The following ITPR2 variants were observed in gnomAD, a reference collection of about 807,000 sequenced individuals.
ITPR2 encodes inositol 1,4,5-trisphosphate-gated calcium channel ITPR2.
Under a neutral mutation model 317.1 loss-of-function variants are expected in ITPR2, and 207 were observed. The ratio of observed to expected loss-of-function variants is 0.65; its 90% CI spans 0.58 to 0.73. The LOEUF (loss-of-function observed/expected upper bound fraction) is 0.73. Ranked by LOEUF, ITPR2 falls within the 30% of genes least tolerant of loss-of-function variation. The probability of loss-of-function intolerance (pLI) is 0.00; values close to 1 mark genes in which losing one functional copy is unlikely to be tolerated. For synonymous variants in ITPR2, 1,156 were observed against 1,149.1 expected, an observed-to-expected ratio of 1.01 and a Z score of -0.12; for missense variants, 2,613 against 3,284.0, an observed-to-expected ratio of 0.80 and a Z score of 4.99.
intron 26 of ITPR2, among the ~76,000 whole-genome samples, chr12:26,619,561 C>T (rs1257490953): frequency 1.3e-5 from 2 of 152,050 alleles, no homozygotes; most frequent in East Asian, 3.9e-4. Flanking sequence ...GGTTTCCTTG[C>T]CCCTAAACAG....
intron 49 of ITPR2, among the ~76,000 whole-genome samples, chr12:26,420,316 C>A (rs969399440): frequency 3.9e-5 from 6 of 152,074 alleles, no homozygotes; most frequent in Non-Finnish European, 8.8e-5. Flanking sequence ...CCTTAAATGT[C>A]CAATCTTAAC....
At chr12:26,805,554 T>C (rs1950625884) in intron 1 of ITPR2, among the ~76,000 whole-genome samples, 1 of 151,902 alleles carries the variant, frequency 6.6e-6, no homozygotes, top group Non-Finnish European at 1.5e-5. Context: ...ATTCCACAAA[T>C]ATTTACTGAC....
chr12:26,462,184 T>G (rs183505796), intron 45 of ITPR2, among the ~76,000 whole-genome samples: 16 of 37,804 alleles, frequency 4.2e-4, no homozygotes, highest in African/African-American at 9.0e-4. Flanking sequence ...GTTTTGTTTT[T>G]GAGACAAAGT....
intron 13 of ITPR2, among the ~76,000 whole-genome samples, chr12:26,669,283 G>A (rs994031734): frequency 2.0e-5 from 3 of 151,878 alleles, no homozygotes; most frequent in Non-Finnish European, 4.4e-5. Flanking sequence ...TAATAAAAGG[G>A]AAGTTAAGAG....
intron 34 of ITPR2, 75 bp from the exon 35 acceptor site, chr12:26,562,027 T>A: frequency 9.7e-7 from 1 of 1,026,070 alleles, no homozygotes; most frequent in Non-Finnish European, 1.3e-6. Context: ...TACAATCTTA[T>A]AAACATAAAA....
At chr12:26,449,262 T>C (rs1397350868) in intron 45 of ITPR2, among the ~76,000 whole-genome samples, 2 of 152,188 alleles carry the variant, frequency 1.3e-5, no homozygotes, top group African/African-American at 4.8e-5. Context: ...ATTTAGGCAA[T>C]TGTATTACAA....
chr12:26,743,272 G>A (rs908089154), intron 2 of ITPR2, among the ~76,000 whole-genome samples: 1 of 152,062 alleles, frequency 6.6e-6, no homozygotes, highest in African/African-American at 2.4e-5. Context: ...TTTGGCAGAG[G>A]AACCTCTGCA....
At chr12:26,374,790 A>G (rs1198345486) in intron 55 of ITPR2, among the ~76,000 whole-genome samples, 1 of 152,188 alleles carries the variant, frequency 6.6e-6, no homozygotes, top group Non-Finnish European at 1.5e-5. Context: ...AATCCCATCA[A>G]AGTAGCTGAC....
rs1049167910 is a variant in ITPR2, at chr12:26,642,835, T to C, written c.2741-10776A>G. 2.0e-5 allele frequency among the ~76,000 whole-genome samples: 3 copies of C among 152,280 alleles called. No homozygotes were observed. The East Asian group carries it at 5.8e-4, about 29-fold the overall frequency. On this transcript the variant is annotated intron_variant, in intron 21 of 56. Coordinates refer to ENST00000381340, the MANE Select transcript of ITPR2 (RefSeq NM_002223.4). Reference sequence around the variant, plus strand: ...GCATTTTCTAGGAAGATAATTGTGGTGGATGCTGTGATGCTCCTGCCCAGA... The same window carrying C: ...GCATTTTCTAGGAAGATAATTGTGGCGGATGCTGTGATGCTCCTGCCCAGA...
intron 28 of ITPR2, among the ~76,000 whole-genome samples, chr12:26,600,658 C>T (rs1400329294): frequency 6.6e-6 from 1 of 152,038 alleles, no homozygotes; most frequent in Non-Finnish European, 1.5e-5. Context: ...ATACATCTTC[C>T]TTTCCTACTC....
chr12:26,830,018 C>T (rs1951074985), intron 1 of ITPR2, among the ~76,000 whole-genome samples: 1 of 152,248 alleles, frequency 6.6e-6, no homozygotes, highest in South Asian at 2.1e-4. Context: ...ATTCTCCTGC[C>T]TCAGCCTCCC....
At chr12:26,543,381 C>T (rs533242438) in intron 37 of ITPR2, among the ~76,000 whole-genome samples, 2 of 151,648 alleles carry the variant, frequency 1.3e-5, no homozygotes, top group East Asian at 1.9e-4. Context: ...GTGTGTGTGA[C>T]AGAGACAGGG....
chr12:26,737,903 C>G (rs951768549), intron 2 of ITPR2, among the ~76,000 whole-genome samples: 1 of 152,044 alleles, frequency 6.6e-6, no homozygotes, highest in Non-Finnish European at 1.5e-5. Flanking sequence ...GGTATTTTGT[C>G]ACTTAAGTTT....
intron 37 of ITPR2, among the ~76,000 whole-genome samples, chr12:26,515,497 T>C (rs1440974309): frequency 6.6e-6 from 1 of 152,176 alleles, no homozygotes; most frequent in East Asian, 1.9e-4. Context: ...ATCATTATAC[T>C]GCTGTGGAAA....
intron 5 of ITPR2, among the ~76,000 whole-genome samples, chr12:26,720,032 T>C (rs540991328): frequency 6.6e-6 from 1 of 152,180 alleles, no homozygotes; most frequent in East Asian, 1.9e-4. Context: ...TCTCTGCTCA[T>C]AGCTGTCCCT....
At chr12:26,745,665 A>G (rs2137092047) in intron 2 of ITPR2, among the ~76,000 whole-genome samples, 1 of 152,324 alleles carries the variant, frequency 6.6e-6, no homozygotes, top group Non-Finnish European at 1.5e-5. Context: ...ATTAGAAAAT[A>G]CTTGGTTTCA....
chr12:26,452,781 C>T (rs151237945), intron 45 of ITPR2, among the ~76,000 whole-genome samples: 1 of 152,218 alleles, frequency 6.6e-6, no homozygotes, highest in East Asian at 1.9e-4. Context: ...TGATGCAGCA[C>T]GATGCCCTCA....
intron 51 of ITPR2, among the ~76,000 whole-genome samples, chr12:26,415,023 T>G (rs1467787083): frequency 6.6e-6 from 1 of 152,164 alleles, no homozygotes; most frequent in Non-Finnish European, 1.5e-5. Flanking sequence ...CTGAAGTTGT[T>G]GACTATCTTT....
At chr12:26,712,849 G>T (rs1948673431) in intron 8 of ITPR2, among the ~76,000 whole-genome samples, 1 of 152,216 alleles carries the variant, frequency 6.6e-6, no homozygotes, top group Non-Finnish European at 1.5e-5. Context: ...ATTTTGGAGG[G>T]ATGCTATTGG....
Sources: gnomAD v4.1 joint callset for allele counts (sites outside exome capture counted in the v4.1 genomes callset) on GRCh38, gnomAD v4.1.1 for gene constraint, MANE v1.5 for transcripts, NCBI Gene and HGNC (gene_info 2026-07-23, HGNC 2026-07-21) for gene names.